The following PSKH2 variants were observed in gnomAD, a reference collection of about 807,000 sequenced individuals.
The protein encoded by PSKH2 is serine/threonine-protein kinase H2.
In PSKH2, 16 loss-of-function variants were observed where a neutral mutation model predicts 22.5. The observed-to-expected ratio is 0.71, with a 90% CI of 0.48 to 1.08. The LOEUF is 1.08. Among genes scored for constraint, PSKH2 ranks in the 50% least tolerant of loss-of-function variants. The probability of loss-of-function intolerance (pLI) is 0.00; values close to 1 mark genes in which losing one functional copy is unlikely to be tolerated. For missense variants in PSKH2, 516 were observed against 492.8 expected (o/e 1.05, Z -0.44); for synonymous variants, 188 against 184.8 (o/e 1.02, Z -0.14).
At chr8:86,065,164 T>C (rs1160284714) in intron 1 of PSKH2, among the ~76,000 whole-genome samples, 2 of 152,146 alleles carry the variant, frequency 1.3e-5, no homozygotes, top group East Asian at 1.9e-4. Context: ...ACAAATCAAG[T>C]GGGGGAGAAT....
At chr8:86,051,351 T>C (rs2130142381) in intron 2 of PSKH2, among the ~76,000 whole-genome samples, 1 of 152,200 alleles carries the variant, frequency 6.6e-6, no homozygotes, top group African/African-American at 2.4e-5. Context: ...GCCGCCCAAA[T>C]TGTTGGGATT....
chr8:86,053,253 G>C (rs1403098482), intron 2 of PSKH2, among the ~76,000 whole-genome samples: 2 of 152,082 alleles, frequency 1.3e-5, no homozygotes, highest in Non-Finnish European at 2.9e-5. Context: ...CTTCCCCTCA[G>C]TGGTGACTCT....
rs1817543873 is a variant in PSKH2 at position 86,047,522 on chromosome 8, A to G, written c.*940T>C. ...AGCAATATCAACTAATTAATCATTT[A>G]TTTACTATGTTTACCCACACATATG... On this transcript the variant is annotated 3_prime_UTR_variant, in exon 3 of 3. Transcript: ENST00000276616. Among the ~76,000 whole-genome samples, 1 of 152,136 alleles carries G rather than the reference A, an allele frequency of 6.6e-6. No homozygotes were observed. The highest frequency in any genetic ancestry group is 2.4e-5 in the African/African-American group (1 of 41,450).
At position 86,048,549 on chromosome 8, in the gene PSKH2, A is replaced by G. The variant is rs73255219; in HGVS notation, c.1071T>C (p.Ser357=). 2,828 of 1,614,120 alleles carry G rather than the reference A, an allele frequency of 1.8e-3. 44 individuals are homozygous for G. The African/African-American group carries it at 0.033, about 19-fold the overall frequency. Residue 357 remains serine, a synonymous_variant, in exon 3 of 3, where the codon TCT becomes TCC. Coordinates refer to ENST00000276616, the MANE Select transcript of PSKH2 (RefSeq NM_033126.3). ...HSQSPGSAQS[S]KSHYSHKSRH... ...TGGATTTGTGAGAATAATGTGACTTAGAAGACTGTGCAGATCCAGGACTCT... is the reference window on the plus strand; with the variant it reads ...TGGATTTGTGAGAATAATGTGACTTGGAAGACTGTGCAGATCCAGGACTCT...
chr8:86,051,401 GAAT>G (rs1276254553), intron 2 of PSKH2, among the ~76,000 whole-genome samples: 2 of 152,108 alleles, frequency 1.3e-5, no homozygotes, highest in East Asian at 3.9e-4. Flanking sequence ...TCCAGAATTT[GAAT>G]AATAAGAAAC....
At chr8:86,057,313 C>CACAT (rs55664585) in intron 2 of PSKH2, among the ~76,000 whole-genome samples, 217 of 150,958 alleles carry the variant, frequency 1.4e-3, no homozygotes, top group East Asian at 4.5e-3. Context: ...CACATACACA[C>CACAT]AAATGCATGC....
chr8:86,057,598 G>A lies in PSKH2; in HGVS notation c.852+6367C>T, dbSNP rs188289350. 3.6e-3 allele frequency among the ~76,000 whole-genome samples: 549 copies of A among 152,104 alleles called. 3 individuals carry two copies. The highest frequency in any genetic ancestry group is 0.012 in the African/African-American group (514 of 41,490). On this transcript the variant is annotated intron_variant, in intron 2 of 2. Coordinates refer to ENST00000276616, the MANE Select transcript of PSKH2 (RefSeq NM_033126.3). Reference sequence around the variant, plus strand: ...GATGGGGTTTCACCATGTTGGCCAGGATGGTCTCGATCTCTTGGCCTTATG... The same window carrying A: ...GATGGGGTTTCACCATGTTGGCCAGAATGGTCTCGATCTCTTGGCCTTATG...
intron 2 of PSKH2, among the ~76,000 whole-genome samples, chr8:86,062,045 A>G (rs1318191427): frequency 1.3e-5 from 2 of 152,266 alleles, no homozygotes; most frequent in African/African-American, 2.4e-5. Flanking sequence ...TCACCATACC[A>G]GGAGAAAAGC....
rs751829519 is a variant in PSKH2, at chr8:86,069,598, C to T, written c.25G>A (p.Val9Met). The T allele has an allele frequency of 6.3e-7, 1 of 1,593,764 alleles. No individual in the cohort carries two copies. The highest frequency in any genetic ancestry group is 8.5e-7 in the Non-Finnish European group (1 of 1,172,444). Residue 9 changes from valine (V) to methionine (M), a missense_variant, in exon 1 of 3, where the codon GTG becomes ATG. By Grantham distance (21) the Val-to-Met change is conservative. Coordinates refer to ENST00000276616, the MANE Select transcript of PSKH2 (RefSeq NM_033126.3). MGCGASRK[V>M]VPGPPALAWA... ...GCCAGCGCTGGTGGCCCCGGGACCACCTTCCTGCTGGCGCCGCACCCCATA... is the reference window on the plus strand; with the variant it reads ...GCCAGCGCTGGTGGCCCCGGGACCATCTTCCTGCTGGCGCCGCACCCCATA...
At chr8:86,055,569 A>AT (rs1407551963) in intron 2 of PSKH2, among the ~76,000 whole-genome samples, 3 of 152,244 alleles carry the variant, frequency 2.0e-5, no homozygotes, top group African/African-American at 7.2e-5. Flanking sequence ...TTTGGTGAGC[A>AT]TAAGTACTTA....
intron 2 of PSKH2, among the ~76,000 whole-genome samples, chr8:86,059,993 T>G (rs1817754366): frequency 6.6e-6 from 1 of 152,202 alleles, no homozygotes; most frequent in Admixed American, 6.5e-5. Context: ...AGACCCATTA[T>G]CAGCCTTATC....
rs753330162 is a variant in PSKH2, at chr8:86,048,521, G to T, written c.1099C>A (p.His367Asn). Residue 367 changes from histidine (H) to asparagine (N), a missense_variant, in exon 3 of 3, where the codon CAT becomes AAT. Coordinates refer to ENST00000276616, the MANE Select transcript of PSKH2 (RefSeq NM_033126.3). ...CTTAAGTTTCTCTTGCTCCACATAT[G>T]CCTGGATTTGTGAGAATAATGTGAC... ...SKSHYSHKSR[H>N]MWSKRNLRIV... 7 of 1,613,938 alleles carry T rather than the reference G, an allele frequency of 4.3e-6. No individual in the cohort carries two copies. Among genetic ancestry groups the T allele is most frequent in the Non-Finnish European group, 5.9e-6 (7 of 1,179,954 alleles).
At chr8:86,054,970 C>A (rs4961058) in intron 2 of PSKH2, among the ~76,000 whole-genome samples, 1 of 151,978 alleles carries the variant, frequency 6.6e-6, no homozygotes, top group Non-Finnish European at 1.5e-5. Flanking sequence ...AACAACGTAA[C>A]AGTGACCAAA....
chr8:86,068,017 G>A (rs1168994522), intron 1 of PSKH2, among the ~76,000 whole-genome samples: 2 of 152,214 alleles, frequency 1.3e-5, no homozygotes, highest in Admixed American at 1.3e-4. Flanking sequence ...TAGGGTGGAT[G>A]AAAACTAGAC....
intron 2 of PSKH2, among the ~76,000 whole-genome samples, chr8:86,052,367 C>A (rs61147932): frequency 0.019 from 2,890 of 152,260 alleles, 75 homozygotes; most frequent in African/African-American, 0.058. Flanking sequence ...CCACTGCTAA[C>A]CCATCTTACT....
At chr8:86,066,747 T>C (rs1320524820) in intron 1 of PSKH2, among the ~76,000 whole-genome samples, 2 of 152,188 alleles carry the variant, frequency 1.3e-5, no homozygotes, top group African/African-American at 2.4e-5. Flanking sequence ...GACATTTGGC[T>C]GTACCAGATT....
At chr8:86,063,597 GC>G (rs1306989885) in intron 2 of PSKH2, among the ~76,000 whole-genome samples, 3 of 152,264 alleles carry the variant, frequency 2.0e-5, no homozygotes, top group Non-Finnish European at 2.9e-5. Flanking sequence ...TAGTCAGCCA[GC>G]TCAGGCTCTG....
chr8:86,048,828 A>G, intron 2 of PSKH2, 61 bp from the exon 3 acceptor site: 1 of 1,355,560 alleles, frequency 7.4e-7, no homozygotes, highest in Non-Finnish European at 9.9e-7. Flanking sequence ...ACACAAACAC[A>G]AAGAATCCTA....
chr8:86,058,177 A>T (rs1817729984), intron 2 of PSKH2, among the ~76,000 whole-genome samples: 1 of 152,186 alleles, frequency 6.6e-6, no homozygotes, highest in African/African-American at 2.4e-5. Context: ...TTCCTTGCAC[A>T]CTGGGGAGGA....
Sources: gnomAD v4.1 joint callset for allele counts (sites outside exome capture counted in the v4.1 genomes callset) on GRCh38, gnomAD v4.1.1 for gene constraint, MANE v1.5 for transcripts, NCBI Gene and HGNC (gene_info 2026-07-23, HGNC 2026-07-21) for gene names.